Variants in JPH3 observed in about 807,000 individuals in gnomAD.
The protein encoded by JPH3 is junctophilin 3, also known as junctophilin-3.
In JPH3, 11 loss-of-function variants were observed where a neutral mutation model predicts 59.6. The observed-to-expected ratio is 0.18, with a 90% CI of 0.12 to 0.31. The LOEUF (loss-of-function observed/expected upper bound fraction) is 0.31, where lower values mean the gene tolerates loss of function less well. Among genes scored for constraint, JPH3 ranks in the 10% least tolerant of loss-of-function variants. The pLI is 1.00. For missense variants in JPH3, 1,202 were observed against 1,105.7 expected (o/e 1.09, Z -1.24); for synonymous variants, 673 against 483.6 (o/e 1.39, Z -5.14).
intron 1 of JPH3, chr16:87,604,410 T>G (rs1034796174): frequency 2.1e-6 from 3 of 1,411,690 alleles, no homozygotes; most frequent in Non-Finnish European, 2.8e-6. Flanking sequence ...CACTCCTCAG[T>G]GCACCTGACA....
Position 87,644,475 on chromosome 16 carries a change from C to T in JPH3, c.600C>T (p.Ala200=), listed in dbSNP as rs545175603. The change falls in exon 2 of 5, where the codon GCC becomes GCT. Residue 200 remains alanine, a synonymous_variant. Transcript: ENST00000284262. ...CCCGCGGGGGCTTCGTGCTCGTGGC[C>T]CACAGTGACTCCGAGATCCTCAAGA... ...AVSRGGFVLV[A]HSDSEILKSK... is the part of the protein sequence containing the mutation. 3.7e-6 allele frequency: 6 copies of T among 1,612,788 alleles called. No individual in the cohort carries two copies. The Admixed American group carries it at 8.3e-5, about 22-fold the overall frequency.
At chr16:87,601,969 C>G (rs1010915435), upstream of JPH3, 3 of 152,760 alleles carry the variant, frequency 2.0e-5, no homozygotes, top group East Asian at 5.8e-4. Flanking sequence ...CCAAGCTGCC[C>G]GGAAGGAAGA....
In JPH3 at chr16:87,662,913, C is replaced by T. The variant is rs1004580784; in HGVS notation, c.1160+17878C>T. Among the ~76,000 whole-genome samples the T allele has an allele frequency of 5.3e-5, 8 of 152,212 alleles. No individual in the cohort carries two copies. The East Asian group carries it at 5.8e-4, about 11-fold the overall frequency. On this transcript the variant is annotated intron_variant, in intron 2 of 4. Coordinates refer to ENST00000284262, the MANE Select transcript of JPH3 (RefSeq NM_020655.4). ...CAGGGAAAAGCACCGGCTCCTTTCA[C>T]GGACTTCCAGCACCCCTTCGGGGCT...
At chr16:87,634,530 C>T (rs181009597) in intron 1 of JPH3, among the ~76,000 whole-genome samples, 49 of 152,352 alleles carry the variant, frequency 3.2e-4, no homozygotes, top group Middle Eastern at 3.4e-3. Context: ...TCCCTGCCTC[C>T]AGGTGGGAAG....
intron 1 of JPH3, among the ~76,000 whole-genome samples, chr16:87,638,265 G>T (rs559089791): frequency 7.9e-5 from 12 of 152,262 alleles, no homozygotes; most frequent in African/African-American, 2.9e-4. Context: ...TCACTATGTT[G>T]CCCAGGCTGG....
chr16:87,671,065 C>G (rs2033002086), intron 2 of JPH3, among the ~76,000 whole-genome samples: 1 of 152,212 alleles, frequency 6.6e-6, no homozygotes, highest in African/African-American at 2.4e-5. Context: ...CAGCAGGGCC[C>G]TGCACCCGGA....
At chr16:87,622,431 C>G (rs760163520) in intron 1 of JPH3, among the ~76,000 whole-genome samples, 2 of 152,184 alleles carry the variant, frequency 1.3e-5, no homozygotes, top group Non-Finnish European at 2.9e-5. Context: ...AGCTGTGTTC[C>G]CATTTCTCAG....
Position 87,645,049 on chromosome 16 carries a change from G to T in JPH3, c.1160+14G>T. 1 of 1,589,940 alleles carries T rather than the reference G, an allele frequency of 6.3e-7. No homozygotes were observed. The highest frequency in any genetic ancestry group is 8.5e-7 in the Non-Finnish European group (1 of 1,174,548). On this transcript the variant is annotated intron_variant, in intron 2 of 4. Transcript: ENST00000284262. ...CGCGGCTTCCAGGTAGGAGGGCGAGGGGGCGGGGGGCCCTTCTTGGTGCCC... is the reference window on the plus strand; with the variant it reads ...CGCGGCTTCCAGGTAGGAGGGCGAGTGGGCGGGGGGCCCTTCTTGGTGCCC...
intron 4 of JPH3, among the ~76,000 whole-genome samples, chr16:87,690,934 TG>T (rs1567616758): frequency 6.6e-6 from 1 of 152,136 alleles, no homozygotes; most frequent in Non-Finnish European, 1.5e-5. Context: ...GCGAAACAGC[TG>T]GGGGCAAGGC....
chr16:87,661,499 C>T (rs2032701589), intron 2 of JPH3, among the ~76,000 whole-genome samples: 1 of 152,240 alleles, frequency 6.6e-6, no homozygotes, highest in African/African-American at 2.4e-5. Context: ...ATGGGCTGGA[C>T]TTTGGGGGTC....
Position 87,696,808 on chromosome 16 carries a change from A to G in JPH3, c.*148A>G, listed in dbSNP as rs1489868556. On this transcript the variant is annotated 3_prime_UTR_variant, in exon 5 of 5. Transcript: ENST00000284262. ...CAGAAGAACCACACGATTGGGTATC[A>G]CTCACAGTTTGCCTTTTTTTCTGGG... 5 of 669,508 alleles carry G rather than the reference A, an allele frequency of 7.5e-6. No homozygotes were observed. Among genetic ancestry groups the G allele is most frequent in the East Asian group, 5.4e-5 (2 of 36,794 alleles). 41.5% of individuals were successfully genotyped at this position (669,508 alleles called of 1,614,324 possible).
At chr16:87,633,420 C>T (rs113876093) in intron 1 of JPH3, among the ~76,000 whole-genome samples, 68 of 151,540 alleles carry the variant, frequency 4.5e-4, no homozygotes, top group African/African-American at 1.5e-3. Context: ...TTTGGAGAAA[C>T]GCAATTAAGC....
At chr16:87,644,218 C>G (rs746316958) in intron 1 of JPH3, 40 bp from the exon 2 acceptor site, 1 of 1,560,426 alleles carries the variant, frequency 6.4e-7, no homozygotes, top group Non-Finnish European at 8.7e-7. Context: ...GCCCCCTCCT[C>G]TGTCGCTGGG....
rs769334168 is a variant in JPH3 at position 87,603,287 on chromosome 16, C to G, written c.141C>G (p.Phe47Leu). The G allele has an allele frequency of 1.2e-6, 2 of 1,613,528 alleles. No homozygotes were observed. The highest frequency in any genetic ancestry group is 1.7e-6 in the Non-Finnish European group (2 of 1,179,914). ...ACACCGGCTCGTGGAGCCACGGCTTCGAGGTGCTGGGCGTCTACACCTGGC... is the reference window on the plus strand; with the variant it reads ...ACACCGGCTCGTGGAGCCACGGCTTGGAGGTGCTGGGCGTCTACACCTGGC... ...GEYTGSWSHG[F>L]EVLGVYTWPS... The change falls in exon 1 of 5, where the codon TTC becomes TTG. Residue 47 changes from phenylalanine (F) to leucine (L), a missense_variant. Physicochemically the swap from Phe to Leu is conservative, Grantham distance 22. Transcript: ENST00000284262.
chr16:87,613,163 C>T (rs1343841102), intron 1 of JPH3, among the ~76,000 whole-genome samples: 1 of 140,328 alleles, frequency 7.1e-6, no homozygotes, highest in Non-Finnish European at 1.5e-5. Context: ...GTGGCGCGAT[C>T]TCGGCTCACT....
intron 1 of JPH3, among the ~76,000 whole-genome samples, chr16:87,619,962 A>G (rs1024911671): frequency 1.3e-5 from 2 of 152,154 alleles, no homozygotes; most frequent in African/African-American, 4.8e-5. Context: ...CAGGGACAGA[A>G]GGAACAGGGC....
intron 2 of JPH3, among the ~76,000 whole-genome samples, chr16:87,682,394 G>A (rs2033318036): frequency 6.6e-6 from 1 of 152,156 alleles, no homozygotes; most frequent in Non-Finnish European, 1.5e-5. Context: ...CCTAGGTGCA[G>A]GTGTTAATCC....
At position 87,689,984 on chromosome 16, in the gene JPH3, G is replaced by A; in HGVS notation, c.1624G>A (p.Val542Ile). 2 of 1,474,918 alleles carry A rather than the reference G, an allele frequency of 1.4e-6. No homozygotes were observed. Among genetic ancestry groups the A allele is most frequent in the Non-Finnish European group, 1.8e-6 (2 of 1,114,684 alleles). The allele number at this position is 1,474,918 out of a possible 1,614,324, so 91.4% of individuals were successfully genotyped here. A position where few individuals can be genotyped will look rare whatever the true frequency, so the allele number is the denominator to read the frequency against. The change falls in exon 4 of 5, where the codon GTC becomes ATC. Residue 542 changes from valine to isoleucine, a missense_variant. Coordinates refer to ENST00000284262, the MANE Select transcript of JPH3 (RefSeq NM_020655.4). ...GEEQAGGSRG[V>I]RSGALRGGLL... ...GGAGCAGGCCGGGGGCTCCAGGGGT[G>A]TCCGCAGCGGTGCCCTGCGCGGCGG...
At chr16:87,686,187 G>A (rs927263241) in intron 3 of JPH3, among the ~76,000 whole-genome samples, 4 of 152,220 alleles carry the variant, frequency 2.6e-5, no homozygotes, top group Admixed American at 1.3e-4. Context: ...CCCCCGCGTG[G>A]TGCTTTACTG....
Sources: allele counts gnomAD v4.1 joint callset (sites outside exome capture counted in the v4.1 genomes callset), GRCh38; gene constraint gnomAD v4.1.1; transcripts MANE v1.5; gene names NCBI Gene and HGNC (gene_info 2026-07-23, HGNC 2026-07-21).